SORCS2: variants seen among roughly 807,000 people sequenced by gnomAD.
SORCS2 encodes the protein VPS10 domain-containing receptor SorCS2.
SORCS2 carries 100 observed loss-of-function variants against 141.6 expected under a neutral mutation model. That is an observed-to-expected ratio of 0.71 (90% CI 0.60 to 0.83). The LOEUF is 0.83. SORCS2 is among the 40% of genes least tolerant of loss of function. The pLI is 0.00. For missense variants in SORCS2, 1,646 were observed against 1,560.2 expected, an observed-to-expected ratio of 1.05 and a Z score of -0.93; for synonymous variants, 789 against 676.9, an observed-to-expected ratio of 1.17 and a Z score of -2.57.
chr4:7,485,176 G>T (rs28685600), intron 2 of SORCS2, among the ~76,000 whole-genome samples: 19,277 of 152,222 alleles, frequency 0.13, 1,820 homozygotes, highest in African/African-American at 0.26. Flanking sequence ...GGACATCACA[G>T]CCCTCCTGGG....
intron 1 of SORCS2, among the ~76,000 whole-genome samples, chr4:7,393,149 G>T (rs1723973454): frequency 6.6e-6 from 1 of 152,158 alleles, no homozygotes. Context: ...CCGACCTCTT[G>T]TGGACAGCAG....
chr4:7,698,389 G>A (rs1333814797), intron 12 of SORCS2, among the ~76,000 whole-genome samples: 1 of 152,202 alleles, frequency 6.6e-6, no homozygotes, highest in Non-Finnish European at 1.5e-5. Flanking sequence ...TGGGTTGAAG[G>A]CCTTGACGTT....
intron 1 of SORCS2, among the ~76,000 whole-genome samples, chr4:7,394,802 C>T (rs574398314): frequency 2.0e-5 from 3 of 152,180 alleles, no homozygotes; most frequent in South Asian, 2.1e-4. Context: ...CTCCACCCCC[C>T]GAGGCCAGGG....
intron 2 of SORCS2, among the ~76,000 whole-genome samples, chr4:7,507,177 A>ATTATTTATTTATTTATTTATTTATTTAT (rs59015576): frequency 1.8e-3 from 277 of 150,820 alleles, no homozygotes; most frequent in African/African-American, 6.3e-3. Context: ...CTTTTTTATT[A>ATTATTTATTTATTTATTTATTTATTTAT]TTATTTATTT....
intron 1 of SORCS2, among the ~76,000 whole-genome samples, chr4:7,344,094 G>A (rs1355013424): frequency 1.7e-4 from 26 of 152,232 alleles, no homozygotes; most frequent in Admixed American, 1.6e-3. Flanking sequence ...TGGGTGCGGT[G>A]TGGACGTGGA....
At chr4:7,647,864 CGGG>C (rs1560454213) in intron 4 of SORCS2, among the ~76,000 whole-genome samples, 1 of 152,244 alleles carries the variant, frequency 6.6e-6, no homozygotes, top group Non-Finnish European at 1.5e-5. Context: ...ATGAGAGCTC[CGGG>C]TGTGTTCATC....
chr4:7,338,196 T>TGTTGGAG (rs1720123373), intron 1 of SORCS2, among the ~76,000 whole-genome samples: 1 of 146,180 alleles, frequency 6.8e-6, no homozygotes, highest in African/African-American at 2.6e-5. Context: ...GGATGTTGGA[T>TGTTGGAG]GGATGTTGGT....
At chr4:7,602,254 G>T (rs1415474384) in intron 3 of SORCS2, among the ~76,000 whole-genome samples, 1 of 149,156 alleles carries the variant, frequency 6.7e-6, no homozygotes, top group Non-Finnish European at 1.5e-5. Flanking sequence ...CCAGGCAGAG[G>T]CGCCCCCCAC....
intron 14 of SORCS2, among the ~76,000 whole-genome samples, chr4:7,709,232 C>G (rs2109028268): frequency 6.6e-6 from 1 of 152,318 alleles, no homozygotes; most frequent in East Asian, 1.9e-4. Flanking sequence ...GCCCTTACTC[C>G]TCACACAGAG....
At chr4:7,567,735 C>T (rs977209148) in intron 3 of SORCS2, among the ~76,000 whole-genome samples, 10 of 152,192 alleles carry the variant, frequency 6.6e-5, no homozygotes, top group Non-Finnish European at 1.5e-4. Flanking sequence ...TCTCCCTCCC[C>T]TTGAGAGCAG....
intron 10 of SORCS2, among the ~76,000 whole-genome samples, chr4:7,689,211 G>A (rs1724058646): frequency 6.6e-6 from 1 of 152,056 alleles, no homozygotes; most frequent in Non-Finnish European, 1.5e-5. Flanking sequence ...TCTAGATTAG[G>A]GAACCAACAG....
intron 2 of SORCS2, among the ~76,000 whole-genome samples, chr4:7,487,391 G>T (rs1190341955): frequency 3.3e-5 from 5 of 152,234 alleles, no homozygotes; most frequent in Non-Finnish European, 7.3e-5. Context: ...GTGACTCCCT[G>T]TTGGGGAGTG....
intron 1 of SORCS2, among the ~76,000 whole-genome samples, chr4:7,256,660 G>A (rs1029865109): frequency 6.6e-6 from 1 of 151,660 alleles, no homozygotes; most frequent in Non-Finnish European, 1.5e-5. Flanking sequence ...GGATGCGAAC[G>A]TAATGTGGTT....
chr4:7,334,677 C>A (rs113249084), intron 1 of SORCS2, among the ~76,000 whole-genome samples: 73 of 152,264 alleles, frequency 4.8e-4, no homozygotes, highest in African/African-American at 1.6e-3. Context: ...GAGGTGGACA[C>A]GGTCACTGCC....
intron 19 of SORCS2, 108 bp from the exon 20 acceptor site, chr4:7,725,046 G>C (rs1316993946): frequency 8.3e-7 from 1 of 1,207,890 alleles, no homozygotes; most frequent in African/African-American, 1.5e-5. Context: ...TGGTAGTGGT[G>C]GTGGTGATGA....
At chr4:7,576,288 A>T (rs1305449341) in intron 3 of SORCS2, among the ~76,000 whole-genome samples, 2 of 152,266 alleles carry the variant, frequency 1.3e-5, no homozygotes, top group African/African-American at 4.8e-5. Context: ...GTCAAAAGTC[A>T]GTAGGGATCT....
intron 2 of SORCS2, among the ~76,000 whole-genome samples, chr4:7,422,246 G>A (rs1273679705): frequency 6.6e-6 from 1 of 152,150 alleles, no homozygotes; most frequent in African/African-American, 2.4e-5. Flanking sequence ...CACCTGGGCT[G>A]ATTTGTCTCA....
At position 7,242,276 on chromosome 4, in the gene SORCS2, G is replaced by A. The variant is rs781363618; in HGVS notation, c.480+49150G>A. Among the ~76,000 whole-genome samples the A allele has an allele frequency of 1.3e-3, 204 of 152,256 alleles. 3 individuals are homozygous for A. Among genetic ancestry groups the A allele is most frequent in the Admixed American group, 9.6e-3 (147 of 15,302 alleles). ...AGTGGTATGATCACAAATCACTGCA[G>A]CCTTGAACTCCTAGGCTCAAGGGAT... On this transcript the variant is annotated intron_variant, in intron 1 of 26. Transcript: ENST00000507866.
At chr4:7,453,475 G>T (rs1420990069) in intron 2 of SORCS2, among the ~76,000 whole-genome samples, 4 of 142,084 alleles carry the variant, frequency 2.8e-5, no homozygotes, top group East Asian at 4.4e-4. Flanking sequence ...TTGGGGTCAG[G>T]CTCCGTCTTG....
Sources: allele counts gnomAD v4.1 joint callset (sites outside exome capture counted in the v4.1 genomes callset), GRCh38; gene constraint gnomAD v4.1.1; transcripts MANE v1.5; gene names NCBI Gene and HGNC (gene_info 2026-07-23, HGNC 2026-07-21).